CTNNA3: variants seen among roughly 807,000 people sequenced by gnomAD.
CTNNA3 encodes catenin alpha 3.
A neutral mutation model predicts 95.7 loss-of-function variants in CTNNA3; 76 were observed. That is an observed-to-expected ratio of 0.79 (90% CI 0.66 to 0.96). The LOEUF is 0.96. Among genes scored for constraint, CTNNA3 ranks in the 40% least tolerant of loss-of-function variants. The pLI, the probability that CTNNA3 is intolerant of heterozygous loss-of-function variation, is 0.00. For missense variants in CTNNA3, 1,191 were observed against 1,089.8 expected (o/e 1.09, Z -1.31); for synonymous variants, 431 against 374.4 (o/e 1.15, Z -1.74).
intron 10 of CTNNA3, among the ~76,000 whole-genome samples, chr10:66,569,860 T>A (rs1045249115): frequency 3.3e-5 from 5 of 152,120 alleles, no homozygotes; most frequent in African/African-American, 1.2e-4. Flanking sequence ...AAAACAGTAT[T>A]CAAAGAGTTG....
intron 9 of CTNNA3, among the ~76,000 whole-genome samples, chr10:66,699,290 CCATA>C (rs1216256136): frequency 6.6e-6 from 1 of 152,074 alleles, no homozygotes; most frequent in African/African-American, 2.4e-5. Flanking sequence ...TGAGGAAGCT[CCATA>C]CATTTTTTCA....
intron 5 of CTNNA3, among the ~76,000 whole-genome samples, chr10:67,463,477 T>C (rs577000511): frequency 6.6e-6 from 1 of 152,284 alleles, no homozygotes; most frequent in South Asian, 2.1e-4. Context: ...GGACATCGCC[T>C]TTCTAGCTGA....
chr10:66,755,388 C>T (rs1252195647), intron 9 of CTNNA3, among the ~76,000 whole-genome samples: 1 of 152,028 alleles, frequency 6.6e-6, no homozygotes, highest in Admixed American at 6.6e-5. Flanking sequence ...AGTTGCACAA[C>T]TCTGTGGAAT....
chr10:66,845,721 A>AT, intron 7 of CTNNA3, among the ~76,000 whole-genome samples: 1 of 131,000 alleles, frequency 7.6e-6, no homozygotes, highest in African/African-American at 2.8e-5. Flanking sequence ...AAAAAAAAAA[A>AT]AAAAAAAACT....
chr10:66,837,360 A>G (rs911299163), intron 7 of CTNNA3: 2 of 152,158 alleles, frequency 1.3e-5, no homozygotes, highest in Non-Finnish European at 2.9e-5. Context: ...GGGGACAAAG[A>G]TAACATGTCC....
rs1276721728 is a variant in CTNNA3 at position 67,574,569 on chromosome 10, G to T, written c.292+32288C>A. Among the ~76,000 whole-genome samples the T allele has an allele frequency of 2.0e-5, 3 of 147,618 alleles. No homozygotes were observed. In the Admixed American group the frequency reaches 2.0e-4, roughly 10 times the overall value. The stretch of plus-strand genomic sequence containing the variant: ...CAAATTGTATTCTTACATTGACAAG[G>T]TTGTTAACTTTTTTTTTTTTTTTTT... On this transcript the variant is annotated intron_variant, in intron 3 of 17. Coordinates refer to ENST00000433211, the MANE Select transcript of CTNNA3 (RefSeq NM_013266.4).
chr10:67,310,954 T>C (rs1191619476), intron 5 of CTNNA3, among the ~76,000 whole-genome samples: 1 of 152,240 alleles, frequency 6.6e-6, no homozygotes, highest in Non-Finnish European at 1.5e-5. Context: ...ATAATAAAGA[T>C]AATTTGTGAA....
chr10:67,238,157 C>T (rs1333987574), intron 5 of CTNNA3, among the ~76,000 whole-genome samples: 1 of 152,062 alleles, frequency 6.6e-6, no homozygotes, highest in African/African-American at 2.4e-5. Flanking sequence ...AATATATCAG[C>T]ACAAGATCCA....
At chr10:66,275,078 A>C (rs566118203) in intron 13 of CTNNA3, among the ~76,000 whole-genome samples, 1 of 152,038 alleles carries the variant, frequency 6.6e-6, no homozygotes, top group Non-Finnish European at 1.5e-5. Flanking sequence ...TCATTGTATC[A>C]TTGTATTTCT....
intron 3 of CTNNA3, among the ~76,000 whole-genome samples, chr10:67,559,647 T>C (rs1300216136): frequency 1.3e-5 from 2 of 152,116 alleles, no homozygotes; most frequent in African/African-American, 4.8e-5. Flanking sequence ...GGAGAATGAC[T>C]TTGACAAGTT....
chr10:66,237,301 T>C (rs939851617), intron 13 of CTNNA3, among the ~76,000 whole-genome samples: 5 of 152,152 alleles, frequency 3.3e-5, no homozygotes, highest in Non-Finnish European at 5.9e-5. Flanking sequence ...GTTTGTGCCT[T>C]CCCAATTTTC....
chr10:67,666,677 A>G (rs949183337), intron 1 of CTNNA3, among the ~76,000 whole-genome samples: 1 of 152,166 alleles, frequency 6.6e-6, no homozygotes, highest in African/African-American at 2.4e-5. Flanking sequence ...ACCCAATGAC[A>G]TGTATTTTTA....
At chr10:66,427,366 T>A (rs1195368279) in intron 11 of CTNNA3, among the ~76,000 whole-genome samples, 1 of 152,084 alleles carries the variant, frequency 6.6e-6, no homozygotes, top group Non-Finnish European at 1.5e-5. Flanking sequence ...TTGGCTTATA[T>A]TCTGTTAGTT....
chr10:67,605,426 A>C (rs1346270409), intron 3 of CTNNA3, among the ~76,000 whole-genome samples: 1 of 152,190 alleles, frequency 6.6e-6, no homozygotes, highest in Non-Finnish European at 1.5e-5. Flanking sequence ...AGTTATGAAG[A>C]ATGAGCTCTA....
At chr10:66,521,526 T>C (rs1841068641) in intron 10 of CTNNA3, among the ~76,000 whole-genome samples, 1 of 152,156 alleles carries the variant, frequency 6.6e-6, no homozygotes, top group Non-Finnish European at 1.5e-5. Context: ...CCTGAAACAT[T>C]GCCCTTGTTT....
chr10:67,163,738 A>G (rs12221166), intron 7 of CTNNA3, among the ~76,000 whole-genome samples: 22,743 of 151,930 alleles, frequency 0.15, 2,420 homozygotes, highest in African/African-American at 0.31. Context: ...CAAGGAATCC[A>G]CCAAAACGAC....
intron 7 of CTNNA3, among the ~76,000 whole-genome samples, chr10:66,842,174 C>G (rs1843089416): frequency 6.6e-6 from 1 of 151,852 alleles, no homozygotes; most frequent in Admixed American, 6.6e-5. Context: ...AACCTCAGGG[C>G]TCAAGCAATC....
chr10:66,013,299 T>TATC (rs2079038185), intron 15 of CTNNA3, among the ~76,000 whole-genome samples: 1 of 152,232 alleles, frequency 6.6e-6, no homozygotes, highest in African/African-American at 2.4e-5. Context: ...TAGCATATTA[T>TATC]ATCAACCATT....
chr10:66,988,887 T>C (rs1408703160), intron 7 of CTNNA3, among the ~76,000 whole-genome samples: 2 of 151,996 alleles, frequency 1.3e-5, no homozygotes. Context: ...CACACTTAAA[T>C]ACACCGGGTT....
Sources: allele counts gnomAD v4.1 joint callset (sites outside exome capture counted in the v4.1 genomes callset), GRCh38; gene constraint gnomAD v4.1.1; transcripts MANE v1.5; gene names NCBI Gene and HGNC (gene_info 2026-07-23, HGNC 2026-07-21).